MTUS2: variants seen among roughly 807,000 people sequenced by gnomAD.
MTUS2 encodes the protein microtubule-associated tumor suppressor candidate 2.
A neutral mutation model predicts 114.1 loss-of-function variants in MTUS2; 40 were observed. The observed-to-expected ratio is 0.35, with a 90% CI of 0.27 to 0.46. MTUS2 has a LOEUF of 0.46. Among genes scored for constraint, MTUS2 ranks in the 20% least tolerant of loss-of-function variants. The pLI, the probability that MTUS2 is intolerant of heterozygous loss-of-function variation, is 1.00. For synonymous variants in MTUS2, 688 were observed against 672.0 expected, an observed-to-expected ratio of 1.02 and a Z score of -0.37; for missense variants, 1,679 against 1,705.4, an observed-to-expected ratio of 0.98 and a Z score of 0.27.
chr13:28,831,083 AAG>A (rs1330857283), intron 1 of MTUS2, among the ~76,000 whole-genome samples: 2 of 152,204 alleles, frequency 1.3e-5, no homozygotes, highest in Non-Finnish European at 1.5e-5. Context: ...GGAAGAAATA[AAG>A]AGTAGCAGTA....
intron 10 of MTUS2, among the ~76,000 whole-genome samples, chr13:29,485,519 A>G (rs1372344084): frequency 6.6e-6 from 1 of 152,224 alleles, no homozygotes; most frequent in Non-Finnish European, 1.5e-5. Flanking sequence ...CCTTCCTAAC[A>G]TACTGGGCAT....
chr13:29,161,163 CG>C (rs1340334731), intron 5 of MTUS2, among the ~76,000 whole-genome samples: 1 of 152,138 alleles, frequency 6.6e-6, no homozygotes, highest in African/African-American at 2.4e-5. Context: ...CGTGCACACA[CG>C]TGCATACACA....
intron 2 of MTUS2, among the ~76,000 whole-genome samples, chr13:29,011,713 A>G (rs1436961864): frequency 2.0e-5 from 3 of 152,116 alleles, no homozygotes; most frequent in Non-Finnish European, 2.9e-5. Flanking sequence ...TGCTTTCTTC[A>G]TTACAAAGTC....
At chr13:29,090,505 A>C (rs896947675) in intron 4 of MTUS2, among the ~76,000 whole-genome samples, 4 of 152,216 alleles carry the variant, frequency 2.6e-5, no homozygotes, top group African/African-American at 4.8e-5. Flanking sequence ...GCAAGCAAGC[A>C]CATGCCAGTG....
intron 9 of MTUS2, among the ~76,000 whole-genome samples, chr13:29,473,555 A>T (rs1880468844): frequency 6.6e-6 from 1 of 152,214 alleles, no homozygotes; most frequent in Non-Finnish European, 1.5e-5. Context: ...TGGTAGATTG[A>T]TATCTTTATA....
At chr13:29,340,871 C>T (rs763175559) in intron 7 of MTUS2, among the ~76,000 whole-genome samples, 2 of 152,224 alleles carry the variant, frequency 1.3e-5, no homozygotes, top group Non-Finnish European at 2.9e-5. Flanking sequence ...CATAGCTTAG[C>T]TCCCACTTAT....
chr13:29,466,302 A>G (rs1381525059), intron 9 of MTUS2, among the ~76,000 whole-genome samples: 1 of 152,222 alleles, frequency 6.6e-6, no homozygotes, highest in Non-Finnish European at 1.5e-5. Flanking sequence ...AGACATTTTT[A>G]TTAGCCATTG....
In MTUS2 at chr13:29,257,168, C is replaced by T. The variant is rs149954645; in HGVS notation, c.2645-24536C>T. 3.3e-5 allele frequency among the ~76,000 whole-genome samples: 5 copies of T among 152,298 alleles called. No individual in the cohort carries two copies. In the East Asian group the frequency reaches 9.7e-4, roughly 29 times the overall value. On this transcript the variant is annotated intron_variant, in intron 5 of 15. Coordinates refer to ENST00000612955, the MANE Select transcript of MTUS2 (RefSeq NM_001033602.4). ...CCCTTGGTCTTGCCCTATTCAAATC[C>T]ATTTTCCCACTCTACAGCCCTAGTC...
chr13:29,354,973 G>A (rs183179051), intron 7 of MTUS2, among the ~76,000 whole-genome samples: 1 of 152,188 alleles, frequency 6.6e-6, no homozygotes, highest in African/African-American at 2.4e-5. Flanking sequence ...TCAAAGTTCT[G>A]TCCTATAATT....
At chr13:29,474,508 G>A (rs1880545461) in intron 9 of MTUS2, among the ~76,000 whole-genome samples, 1 of 152,074 alleles carries the variant, frequency 6.6e-6, no homozygotes, top group Admixed American at 6.6e-5. Context: ...CCTGTACCTT[G>A]GCACCCAACC....
At chr13:29,309,120 T>TGCATGC (rs1899626375) in intron 6 of MTUS2, among the ~76,000 whole-genome samples, 1 of 152,206 alleles carries the variant, frequency 6.6e-6, no homozygotes, top group African/African-American at 2.4e-5. Context: ...TAAAGATACA[T>TGCATGC]GCATGCGTAT....
chr13:29,225,381 T>C (rs984490797), intron 5 of MTUS2, among the ~76,000 whole-genome samples: 1 of 152,228 alleles, frequency 6.6e-6, no homozygotes, highest in Non-Finnish European at 1.5e-5. Flanking sequence ...TTTAAAAAAA[T>C]AATTTCCAAA....
chr13:29,044,454 T>G (rs1887519105), intron 4 of MTUS2, among the ~76,000 whole-genome samples: 1 of 152,150 alleles, frequency 6.6e-6, no homozygotes, highest in African/African-American at 2.4e-5. Flanking sequence ...TGTTGAGATT[T>G]TTGGATCTGT....
At chr13:29,198,332 T>A (rs1303512699) in intron 5 of MTUS2, among the ~76,000 whole-genome samples, 1 of 152,212 alleles carries the variant, frequency 6.6e-6, no homozygotes, top group South Asian at 2.1e-4. Flanking sequence ...AGGGAATCCT[T>A]TCCCCATTGC....
rs1014598769 is a variant in MTUS2 at position 29,480,955 on chromosome 13, C to T, written c.3399+591C>T. ...GTACCATTCTTATTCCCATTTTACA[C>T]GGAAGAAAGCCAAGCCCCCATGGTT... is the stretch of plus-strand genomic sequence containing the variant. On this transcript the variant is annotated intron_variant, in intron 10 of 15. Coordinates refer to ENST00000612955, the MANE Select transcript of MTUS2 (RefSeq NM_001033602.4). The surrounding 1 kb of genome is among the most constrained non-coding windows in gnomAD (Gnocchi z 4.4). Among the ~76,000 whole-genome samples the T allele has an allele frequency of 7.9e-5, 12 of 152,098 alleles. No homozygotes were observed. The highest frequency in any genetic ancestry group is 2.4e-4 in the African/African-American group (10 of 41,388).
At chr13:28,899,736 T>C (rs1178426270) in intron 2 of MTUS2, among the ~76,000 whole-genome samples, 2 of 151,968 alleles carry the variant, frequency 1.3e-5, no homozygotes, top group East Asian at 3.9e-4. Flanking sequence ...ATATCTGACT[T>C]CCATTTTCTC....
intron 2 of MTUS2, among the ~76,000 whole-genome samples, chr13:28,845,649 CTGTTT>C (rs1182644357): frequency 6.6e-6 from 1 of 150,484 alleles, no homozygotes; most frequent in Non-Finnish European, 1.5e-5. Context: ...TGTTCCCTCT[CTGTTT>C]TGTTTGTTTT....
chr13:29,200,104 GGTCT>G (rs58399962), intron 5 of MTUS2, among the ~76,000 whole-genome samples: 4,748 of 151,816 alleles, frequency 0.031, 250 homozygotes, highest in African/African-American at 0.11. Context: ...TCTGGCTAGT[GGTCT>G]GTCTATTTTA....
intron 9 of MTUS2, among the ~76,000 whole-genome samples, chr13:29,456,096 G>A (rs1879088460): frequency 6.6e-6 from 1 of 152,208 alleles, no homozygotes; most frequent in Non-Finnish European, 1.5e-5. Context: ...ACACGTTCTA[G>A]CACTTCTAGA....
Sources: gnomAD v4.1 joint callset for allele counts (sites outside exome capture counted in the v4.1 genomes callset) on GRCh38, gnomAD v4.1.1 for gene constraint, Gnocchi (gnomAD v3.1) non-coding constraint, MANE v1.5 for transcripts, NCBI Gene and HGNC (gene_info 2026-07-23, HGNC 2026-07-21) for gene names.